The following CFAP43 variants were observed in gnomAD, a reference collection of about 807,000 sequenced individuals.
CFAP43 encodes cilia- and flagella-associated protein 43.
Under a neutral mutation model 218.9 loss-of-function variants are expected in CFAP43, and 155 were observed. That is an observed-to-expected ratio of 0.71 (90% confidence interval 0.62 to 0.81). The LOEUF (loss-of-function observed/expected upper bound fraction) is 0.81. Ranked by LOEUF, CFAP43 falls within the 30% of genes least tolerant of loss-of-function variation. CFAP43 has a pLI of 0.00. For missense variants in CFAP43, 1,778 were observed against 1,954.3 expected (o/e 0.91, Z 1.70); for synonymous variants, 645 against 681.3 (o/e 0.95, Z 0.83).
chr10:104,196,154 A>C (rs2090375776), intron 10 of CFAP43, among the ~76,000 whole-genome samples: 2 of 152,200 alleles, frequency 1.3e-5, no homozygotes, highest in Admixed American at 1.3e-4. Context: ...ATGAAGCCTA[A>C]GATGAAACTA....
chr10:104,137,310 A>AAGATT lies in CFAP43; in HGVS notation c.4432-3527_4432-3526insAATCT, dbSNP rs2087497265. 2.6e-5 allele frequency among the ~76,000 whole-genome samples: 4 copies of AAGATT among 152,248 alleles called. No individual in the cohort carries two copies. In the South Asian group the frequency reaches 8.3e-4, roughly 32 times the overall value. ...AGAAGAATGAAGACTGATACATGCT[A>AAGATT]CAACATGGTTAAATCTTAAAAACAT... On this transcript the variant is annotated intron_variant, in intron 34 of 37. Coordinates refer to ENST00000357060, the MANE Select transcript of CFAP43 (RefSeq NM_025145.7).
intron 3 of CFAP43, among the ~76,000 whole-genome samples, chr10:104,225,054 A>G (rs989332064): frequency 6.6e-6 from 1 of 152,218 alleles, no homozygotes; most frequent in Non-Finnish European, 1.5e-5. Flanking sequence ...CTCTGAACAT[A>G]TAATTGTTCT....
chr10:104,231,659 G>GA (rs896838899), intron 1 of CFAP43, among the ~76,000 whole-genome samples: 2 of 152,052 alleles, frequency 1.3e-5, no homozygotes, highest in African/African-American at 4.8e-5. Context: ...GAATGTAGGG[G>GA]AAAAAATGCC....
At chr10:104,163,800 T>G (rs1171149345) in intron 24 of CFAP43, among the ~76,000 whole-genome samples, 1 of 152,224 alleles carries the variant, frequency 6.6e-6, no homozygotes. Flanking sequence ...GAAGTAGAAA[T>G]GCAGAGTGAT....
chr10:104,132,001 G>T, intron 36 of CFAP43, 115 bp downstream of exon 36: 1 of 744,878 alleles, frequency 1.3e-6, no homozygotes, highest in Non-Finnish European at 2.0e-6. Context: ...ATGAATACTA[G>T]TAAATAACCA....
intron 14 of CFAP43, among the ~76,000 whole-genome samples, chr10:104,186,523 T>C (rs2090036427): frequency 1.3e-5 from 2 of 152,222 alleles, no homozygotes; most frequent in Admixed American, 1.3e-4. Context: ...TCCTTTTGTC[T>C]GGAATGCCCT....
chr10:104,202,833 A>ATTT (rs1193975083), intron 8 of CFAP43, among the ~76,000 whole-genome samples: 41 of 140,510 alleles, frequency 2.9e-4, no homozygotes, highest in Non-Finnish European at 5.2e-4. Context: ...TTTTTTTTTA[A>ATTT]AAAAAACTTC....
At chr10:104,179,533 C>T (rs2134869188) in intron 18 of CFAP43, among the ~76,000 whole-genome samples, 1 of 152,286 alleles carries the variant, frequency 6.6e-6, no homozygotes, top group South Asian at 2.1e-4. Context: ...AGACAAGCAT[C>T]CCCTAAAACT....
At position 104,166,587 on chromosome 10, in the gene CFAP43, A is replaced by G. The variant is rs2089166044; in HGVS notation, c.2940T>C (p.Gly980=). ...KYSNLPNYLL[G]SLSTDFGVDT... ...CTACCCCAAAATCAGTACTCAGACT[A>G]CCAAGCAGGTAATTGGGCAAATTGC... is the stretch of plus-strand genomic sequence containing the variant. Residue 980 remains glycine (G), a synonymous_variant, in exon 23 of 38, where the codon GGT becomes GGC. Transcript: ENST00000357060. The G allele has an allele frequency of 1.2e-6, 2 of 1,614,058 alleles. No homozygotes were observed. The highest frequency in any genetic ancestry group is 1.3e-5 in the African/African-American group (1 of 74,926).
chr10:104,203,915 A>C lies in CFAP43; in HGVS notation c.964-112T>G, dbSNP rs558111525. The C allele has an allele frequency of 3.1e-6, 3 of 973,422 alleles. No individual in the cohort carries two copies. In the African/African-American group the frequency reaches 5.1e-5, roughly 16 times the overall value. The allele number at this position is 973,422 out of a possible 1,614,324, so 60.3% of individuals were successfully genotyped here. A position where few individuals can be genotyped will look rare whatever the true frequency, so the allele number is the denominator to read the frequency against. On this transcript the variant is annotated intron_variant, in intron 7 of 37. Transcript: ENST00000357060. ...TTACTTCTACTGCTTATTTGGAATC[A>C]TCATCTATGTTTGCATAGATGCACT...
At chr10:104,131,241 G>T in intron 37 of CFAP43, 90 bp downstream of exon 37, 1 of 1,424,004 alleles carries the variant, frequency 7.0e-7, no homozygotes, top group Non-Finnish European at 9.6e-7. Flanking sequence ...AAGAAATGCT[G>T]ATAGCTTTTT....
At chr10:104,142,177 T>C (rs770203287) in intron 33 of CFAP43, 104 bp downstream of exon 33, 2 of 845,050 alleles carry the variant, frequency 2.4e-6, no homozygotes, top group Non-Finnish European at 3.6e-6. Context: ...GGAAGGGAGA[T>C]GGCTGTAAAG....
At chr10:104,172,385 G>A (rs1249427454) in intron 20 of CFAP43, 25 bp downstream of exon 20, 1 of 1,596,882 alleles carries the variant, frequency 6.3e-7, no homozygotes, top group African/African-American at 1.4e-5. Context: ...TAACTTTATG[G>A]TGCTTAAATT....
intron 8 of CFAP43, among the ~76,000 whole-genome samples, chr10:104,199,523 G>A (rs2090470999): frequency 6.6e-6 from 1 of 152,164 alleles, no homozygotes; most frequent in Admixed American, 6.5e-5. Flanking sequence ...CTGCCCTCAC[G>A]GAACTTACCT....
At chr10:104,172,052 C>A (rs1178779962) in intron 20 of CFAP43, among the ~76,000 whole-genome samples, 1 of 152,122 alleles carries the variant, frequency 6.6e-6, no homozygotes, top group Non-Finnish European at 1.5e-5. Context: ...TCAGTGAGTA[C>A]AGGAAGAAAG....
intron 2 of CFAP43, among the ~76,000 whole-genome samples, chr10:104,226,573 A>G (rs1334652442): frequency 2.0e-5 from 3 of 152,218 alleles, no homozygotes; most frequent in South Asian, 2.1e-4. Context: ...GCCAAAAAAA[A>G]AGAGAGAAAA....
rs1417164698 is a variant in CFAP43, at chr10:104,179,881, C to T, written c.2341G>A (p.Val781Ile). ...TGTATCCAAGGAATTTCCTTCTTAA[C>T]ATCGGTTAGAACTAATTCATCTTGT... ...LSQDELVLTD[V>I]KKEIPWIQQK... is the part of the protein sequence containing the mutation. Residue 781 changes from valine to isoleucine, a missense_variant, in exon 18 of 38, where the codon GTT (valine) becomes ATT (isoleucine). Val to Ile is a conservative substitution (Grantham distance 29). Around this residue, in one of 3 missense-constraint regions of CFAP43, gnomAD observed 1,553 missense variants for 1,685.2 expected, o/e 0.92. Transcript: ENST00000357060. 1 of 1,613,836 alleles carries T rather than the reference C, an allele frequency of 6.2e-7. No homozygotes were observed. Among genetic ancestry groups the T allele is most frequent in the South Asian group, 1.1e-5 (1 of 90,954 alleles).
chr10:104,184,346 A>G (rs909975144), intron 16 of CFAP43, among the ~76,000 whole-genome samples: 3 of 152,210 alleles, frequency 2.0e-5, no homozygotes, highest in African/African-American at 7.2e-5. Flanking sequence ...ATATACATAC[A>G]TGTATATGTC....
In CFAP43 at chr10:104,182,444, G is replaced by A. The variant is rs1407720577; in HGVS notation, c.2211C>T (p.Ser737=). The A allele has an allele frequency of 1.4e-5, 23 of 1,612,408 alleles. No homozygotes were observed. In the East Asian group the frequency reaches 3.4e-4, roughly 23 times the overall value. ...AATAATGATTCTCCTTGTCCATGGC[G>A]CTGCTCAGGGAAATTAATAGTTTCT... ...YYQKLLISLS[S]AMDKENHYLS... The change falls in exon 17 of 38, where the codon AGC becomes AGT. Residue 737 remains serine (S), a synonymous_variant. Transcript: ENST00000357060.
Sources: allele counts gnomAD v4.1 joint callset (sites outside exome capture counted in the v4.1 genomes callset), GRCh38; gene constraint gnomAD v4.1.1; regional missense constraint gnomAD v4.1.1; transcripts MANE v1.5; gene names NCBI Gene and HGNC (gene_info 2026-07-23, HGNC 2026-07-21).